Variants in TNPO3 observed in about 807,000 individuals in gnomAD.
TNPO3 encodes transportin 3.
A neutral mutation model predicts 122.8 loss-of-function variants in TNPO3; 65 were observed. The ratio of observed to expected loss-of-function variants is 0.53; its 90% CI spans 0.43 to 0.65. The LOEUF (loss-of-function observed/expected upper bound fraction) is 0.65. Ranked by LOEUF, TNPO3 falls within the 30% of genes least tolerant of loss-of-function variation. The pLI, the probability that TNPO3 is intolerant of heterozygous loss-of-function variation, is 0.00. For missense variants in TNPO3, 850 were observed against 1,136.7 expected, an observed-to-expected ratio of 0.75 and a Z score of 3.63; for synonymous variants, 372 against 411.2, an observed-to-expected ratio of 0.90 and a Z score of 1.15.
intron 1 of TNPO3, chr7:129,029,350 A>T (rs1805633472): frequency 6.5e-6 from 1 of 153,704 alleles, no homozygotes; most frequent in African/African-American, 2.4e-5. Flanking sequence ...AGCCCGTCAC[A>T]TCAGTGTTAA....
intron 1 of TNPO3, chr7:129,041,685 T>C: frequency 1.0e-6 from 1 of 985,480 alleles, no homozygotes. Context: ...AGGAGGAAGC[T>C]GCAGCTCCCA....
chr7:129,016,917 C>T lies in TNPO3; in HGVS notation c.395+66G>A, dbSNP rs1584574726. The T allele has an allele frequency of 1.3e-5, 18 of 1,413,618 alleles. No individual in the cohort carries two copies. The Middle Eastern group carries it at 1.1e-3, about 83-fold the overall frequency. The allele number at this position is 1,413,618 out of a possible 1,614,324, so 87.6% of individuals were successfully genotyped here. Reference sequence around the variant, plus strand: ...TAGTCAAATATCTAGCTATTGCTAACAAATTTCTCTGTGTAGGTTAATGGC... The same window carrying T: ...TAGTCAAATATCTAGCTATTGCTAATAAATTTCTCTGTGTAGGTTAATGGC... On this transcript the variant is annotated intron_variant, in intron 3 of 22. Transcript: ENST00000265388.
chr7:128,994,984 G>A lies in TNPO3; in HGVS notation c.1159-1070C>T, dbSNP rs540854773. 1.1e-3 allele frequency among the ~76,000 whole-genome samples: 175 copies of A among 152,208 alleles called. 1 individual carries two copies. The highest frequency in any genetic ancestry group is 4.0e-3 in the African/African-American group (165 of 41,532). ...AGTTAATTTTTAAAATTTTTTTATA[G>A]AGGTAAGGTCTCACTATATTACCCA... On this transcript the variant is annotated intron_variant, in intron 8 of 22. Transcript: ENST00000265388.
At chr7:128,988,827 C>T (rs2150345223) in intron 11 of TNPO3, among the ~76,000 whole-genome samples, 1 of 152,270 alleles carries the variant, frequency 6.6e-6, no homozygotes, top group South Asian at 2.1e-4. Context: ...GCCTGTAATC[C>T]TAGCACTTTG....
intron 1 of TNPO3, among the ~76,000 whole-genome samples, chr7:129,039,993 G>A (rs1292056735): frequency 1.3e-5 from 2 of 152,154 alleles, no homozygotes; most frequent in African/African-American, 2.4e-5. Context: ...GGTGGCTCAC[G>A]CCTGTAATCC....
chr7:128,972,597 G>A lies in TNPO3; in HGVS notation c.2274-15C>T, dbSNP rs1319734780. ...GCTGAATAAACCTGGTGTGGAAAGTGAGACTAGGTATAAATGACAAGATTA... is the reference window on the plus strand; with the variant it reads ...GCTGAATAAACCTGGTGTGGAAAGTAAGACTAGGTATAAATGACAAGATTA... On this transcript the variant is annotated splice_polypyrimidine_tract_variant and intron_variant, in intron 18 of 22. Transcript: ENST00000265388. 10 of 1,611,124 alleles carry A rather than the reference G, an allele frequency of 6.2e-6. No individual in the cohort carries two copies. Among genetic ancestry groups the A allele is most frequent in the South Asian group, 2.2e-5 (2 of 90,658 alleles).
chr7:129,050,198 A>G (rs1419892322), intron 1 of TNPO3, among the ~76,000 whole-genome samples: 2 of 152,044 alleles, frequency 1.3e-5, no homozygotes, highest in Non-Finnish European at 2.9e-5. Context: ...CCTGGCTAAC[A>G]TGGTGAAACC....
In TNPO3 at chr7:128,986,910, C is replaced by T. The variant is rs1800217609; in HGVS notation, c.1509G>A (p.Leu503=). The change falls in exon 12 of 23, where the codon TTG becomes TTA. Residue 503 remains leucine, a synonymous_variant. Transcript: ENST00000265388. ...DRNPQFLDPV[L]GYLMKGLCEK... ...CACACAGGCCTTTCATCAAATAGCCCAACACAGGGTCTAAGAAGAAAAGCC... is the reference window on the plus strand; with the variant it reads ...CACACAGGCCTTTCATCAAATAGCCTAACACAGGGTCTAAGAAGAAAAGCC... 1 of 1,611,044 alleles carries T rather than the reference C, an allele frequency of 6.2e-7. No individual in the cohort carries two copies.
chr7:129,045,308 A>T (rs1418716569), intron 1 of TNPO3, among the ~76,000 whole-genome samples: 1 of 152,162 alleles, frequency 6.6e-6, no homozygotes, highest in African/African-American at 2.4e-5. Context: ...ATGTCAATGT[A>T]TGTAATACCA....
chr7:128,996,742 C>CAA (rs10618550), intron 8 of TNPO3, among the ~76,000 whole-genome samples: 28 of 69,888 alleles, frequency 4.0e-4, no homozygotes, highest in East Asian at 2.1e-3. Context: ...GACTCCGTCT[C>CAA]AAAAAAAAAA....
Position 129,017,934 on chromosome 7 carries a change from CTAA to C in TNPO3, c.321+20_321+22del, listed in dbSNP as rs777137106. The C allele has an allele frequency of 6.2e-7, 1 of 1,611,666 alleles. No homozygotes were observed. Among genetic ancestry groups the C allele is most frequent in the South Asian group, 1.1e-5 (1 of 90,968 alleles). On this transcript the variant is annotated intron_variant, in intron 2 of 22. Transcript: ENST00000265388. ...AATCCAAATGGCCATACAAATTTCT[CTAA>C]TGAGAAGCACAGGATTTACCTGCGT...
At chr7:129,013,597 G>A (rs189703339) in intron 4 of TNPO3, among the ~76,000 whole-genome samples, 25 of 152,248 alleles carry the variant, frequency 1.6e-4, no homozygotes, top group African/African-American at 5.3e-4. Flanking sequence ...ACTACCATAC[G>A]ATCTAGCAAT....
chr7:128,955,817 C>T (rs953645714), intron 22 of TNPO3, among the ~76,000 whole-genome samples: 11 of 152,304 alleles, frequency 7.2e-5, no homozygotes, highest in African/African-American at 2.4e-4. Context: ...TAGATGCTAT[C>T]GAAAGGATAC....
At position 128,980,041 on chromosome 7, in the gene TNPO3, G is replaced by C; in HGVS notation, c.1860-10C>G. The stretch of plus-strand genomic sequence containing the variant: ...AATGGGATTGGTATGCCTGGGAAAA[G>C]ACAACAGCCCAAAATAGTGAACAAA... On this transcript the variant is annotated splice_polypyrimidine_tract_variant and intron_variant, in intron 14 of 22. Transcript: ENST00000265388. 1 of 1,613,950 alleles carries C rather than the reference G, an allele frequency of 6.2e-7. No homozygotes were observed. The highest frequency in any genetic ancestry group is 2.2e-5 in the East Asian group (1 of 44,870).
In TNPO3 at chr7:128,970,326, G is replaced by A; in HGVS notation, c.2431-11C>T. 1 of 1,562,372 alleles carries A rather than the reference G, an allele frequency of 6.4e-7. No individual in the cohort carries two copies. Among genetic ancestry groups the A allele is most frequent in the Non-Finnish European group, 8.7e-7 (1 of 1,153,754 alleles). ...AAAGTCTTCTTCATGCTGTATGTAG[G>A]AAAGCAGGAACATCAGATAAATTCT... On this transcript the variant is annotated splice_polypyrimidine_tract_variant and intron_variant, in intron 19 of 22. Transcript: ENST00000265388.
At chr7:128,996,617 C>A (rs1366383391) in intron 8 of TNPO3, among the ~76,000 whole-genome samples, 1 of 151,876 alleles carries the variant, frequency 6.6e-6, no homozygotes, top group African/African-American at 2.4e-5. Context: ...GTGGCGGGTG[C>A]CTGTAATCCC....
chr7:129,005,564 C>A (rs533037154), intron 4 of TNPO3, among the ~76,000 whole-genome samples: 3 of 152,018 alleles, frequency 2.0e-5, no homozygotes, highest in African/African-American at 7.3e-5. Flanking sequence ...AGAGTTCTCA[C>A]GAGATCTGGT....
chr7:129,002,976 C>T (rs1802124493), intron 5 of TNPO3, among the ~76,000 whole-genome samples: 1 of 137,414 alleles, frequency 7.3e-6, no homozygotes, highest in African/African-American at 2.7e-5. Context: ...GGATGCAGAG[C>T]TTGCAGTGAG....
Position 129,000,477 on chromosome 7 carries a change from A to T in TNPO3, c.963T>A (p.Leu321=), listed in dbSNP as rs2150377423. ...AGATAAGCAGCAGCTCCAGAGTTCG[A>T]AGGTCCCCAAGACCTTGGCCTGGAG... The part of the protein sequence containing the change: ...VCTPGQGLGD[L]RTLELLLICA... The change falls in exon 7 of 23, where the codon CTT becomes CTA. Residue 321 remains leucine (L), a synonymous_variant. Transcript: ENST00000265388. 1.9e-6 allele frequency: 3 copies of T among 1,614,178 alleles called. No homozygotes were observed. Among genetic ancestry groups the T allele is most frequent in the Non-Finnish European group, 2.5e-6 (3 of 1,180,014 alleles).
Sources: allele counts gnomAD v4.1 joint callset (sites outside exome capture counted in the v4.1 genomes callset), GRCh38; gene constraint gnomAD v4.1.1; transcripts MANE v1.5; gene names NCBI Gene and HGNC (gene_info 2026-07-23, HGNC 2026-07-21).